The following SDK1 variants were observed in gnomAD, a reference collection of about 807,000 sequenced individuals.
SDK1 encodes protein sidekick-1.
SDK1 carries 157 observed loss-of-function variants against 245.5 expected under a neutral mutation model. That is an observed-to-expected ratio of 0.64 (90% CI 0.56 to 0.73). The LOEUF is 0.73. Among genes scored for constraint, SDK1 ranks in the 30% least tolerant of loss-of-function variants. The probability of loss-of-function intolerance (pLI) is 0.00; values close to 1 mark genes in which losing one functional copy is unlikely to be tolerated. For missense variants in SDK1, 3,583 were observed against 3,002.3 expected, an observed-to-expected ratio of 1.19 and a Z score of -4.52; for synonymous variants, 1,647 against 1,278.5, an observed-to-expected ratio of 1.29 and a Z score of -6.15.
At chr7:3,689,944 A>G (rs1784399387) in intron 4 of SDK1, among the ~76,000 whole-genome samples, 1 of 152,244 alleles carries the variant, frequency 6.6e-6, no homozygotes, top group Non-Finnish European at 1.5e-5. Flanking sequence ...CAGTTTAGAA[A>G]TACTTGTTTT....
At chr7:3,315,119 G>A (rs1190356228) in intron 1 of SDK1, among the ~76,000 whole-genome samples, 2 of 152,148 alleles carry the variant, frequency 1.3e-5, no homozygotes, top group African/African-American at 4.8e-5. Flanking sequence ...AGTGGCTGAT[G>A]TGGCACATGA....
chr7:3,419,218 G>A (rs760598510), intron 1 of SDK1, among the ~76,000 whole-genome samples: 4 of 152,218 alleles, frequency 2.6e-5, no homozygotes, highest in Non-Finnish European at 5.9e-5. Flanking sequence ...GGAACCTGAA[G>A]CTCACAGAGC....
chr7:3,623,155 C>T (rs1355732273), intron 2 of SDK1, among the ~76,000 whole-genome samples: 3 of 151,914 alleles, frequency 2.0e-5, no homozygotes, highest in Non-Finnish European at 4.4e-5. Flanking sequence ...GCAAATACTA[C>T]ACATTTACTT....
intron 1 of SDK1, 24 bp downstream of exon 1, chr7:3,301,908 C>A: frequency 8.8e-7 from 1 of 1,132,108 alleles, no homozygotes; most frequent in Non-Finnish European, 1.1e-6. Flanking sequence ...GGGTCGCGGG[C>A]CGGGGGCGTC....
chr7:3,303,970 C>T (rs1211590940), intron 1 of SDK1, among the ~76,000 whole-genome samples: 1 of 152,132 alleles, frequency 6.6e-6, no homozygotes, highest in East Asian at 1.9e-4. Context: ...CTCCTAAGTA[C>T]CATATTATTA....
At chr7:3,631,170 G>A (rs1348817280) in intron 2 of SDK1, among the ~76,000 whole-genome samples, 2 of 152,164 alleles carry the variant, frequency 1.3e-5, no homozygotes, top group Non-Finnish European at 2.9e-5. Context: ...CTGGGCTCAA[G>A]CGATCCACCC....
intron 1 of SDK1, among the ~76,000 whole-genome samples, chr7:3,397,800 A>G (rs1778761178): frequency 6.6e-6 from 1 of 152,058 alleles, no homozygotes; most frequent in Non-Finnish European, 1.5e-5. Flanking sequence ...CTCTGCTTAC[A>G]TTACCCACCT....
chr7:3,729,210 A>G (rs925090333), intron 4 of SDK1, among the ~76,000 whole-genome samples: 6 of 152,190 alleles, frequency 3.9e-5, no homozygotes, highest in African/African-American at 1.2e-4. Context: ...ATCTTAGGAA[A>G]ACATCATTTT....
chr7:3,346,177 C>T (rs1043112594), intron 1 of SDK1, among the ~76,000 whole-genome samples: 8 of 152,172 alleles, frequency 5.3e-5, no homozygotes, highest in African/African-American at 1.9e-4. Context: ...GACTCCTGTG[C>T]ATGCACAAAT....
chr7:3,596,222 C>G (rs896436216), intron 1 of SDK1, among the ~76,000 whole-genome samples: 1 of 152,120 alleles, frequency 6.6e-6, no homozygotes, highest in Admixed American at 6.5e-5. Flanking sequence ...ATCTTGCTGG[C>G]TCTTCCATCT....
At chr7:4,251,533 G>A (rs1787296058) in intron 44 of SDK1, among the ~76,000 whole-genome samples, 1 of 152,194 alleles carries the variant, frequency 6.6e-6, no homozygotes. Flanking sequence ...AGGTACTGCT[G>A]ATTAGAAACT....
intron 40 of SDK1, among the ~76,000 whole-genome samples, chr7:4,230,342 A>ATGTG (rs1180557940): frequency 7.2e-6 from 1 of 139,334 alleles, no homozygotes; most frequent in East Asian, 2.6e-4. Flanking sequence ...GGATGAATGA[A>ATGTG]TGGATGGATG....
intron 2 of SDK1, among the ~76,000 whole-genome samples, chr7:3,620,633 G>C (rs12537980): frequency 6.6e-6 from 1 of 151,962 alleles, no homozygotes; most frequent in Non-Finnish European, 1.5e-5. Flanking sequence ...ACAGTTCTAA[G>C]ATTTTCTGTA....
At chr7:3,303,342 A>G (rs1779331986) in intron 1 of SDK1, among the ~76,000 whole-genome samples, 6 of 152,154 alleles carry the variant, frequency 3.9e-5, no homozygotes, top group Admixed American at 3.9e-4. Context: ...TCTTTTTTTA[A>G]ACAGTGACTT....
intron 1 of SDK1, among the ~76,000 whole-genome samples, chr7:3,468,863 C>G (rs1214401457): frequency 6.6e-6 from 1 of 152,128 alleles, no homozygotes; most frequent in Non-Finnish European, 1.5e-5. Flanking sequence ...GCGATTTCTC[C>G]TATTCATTGT....
At chr7:3,471,963 A>C (rs17133398) in intron 1 of SDK1, among the ~76,000 whole-genome samples, 22,006 of 152,170 alleles carry the variant, frequency 0.14, 1,615 homozygotes, top group South Asian at 0.22. Context: ...TCCTAACCAT[A>C]GTCACTTTTA....
chr7:3,787,033 T>C (rs1409113771), intron 4 of SDK1, among the ~76,000 whole-genome samples: 1 of 152,096 alleles, frequency 6.6e-6, no homozygotes, highest in African/African-American at 2.4e-5. Flanking sequence ...TACACTTTAG[T>C]GGTGGTTGAC....
At chr7:4,182,687 G>A (rs775909353) in intron 35 of SDK1, among the ~76,000 whole-genome samples, 11 of 152,172 alleles carry the variant, frequency 7.2e-5, no homozygotes, top group African/African-American at 9.7e-5. Flanking sequence ...ACCATCTGCC[G>A]CCCAGGCACT....
intron 35 of SDK1, among the ~76,000 whole-genome samples, chr7:4,194,344 A>T (rs1480825268): frequency 8.5e-6 from 1 of 117,168 alleles, no homozygotes; most frequent in African/African-American, 4.0e-5. Context: ...GTATACATGT[A>T]TAGATATATG....
Sources: allele counts gnomAD v4.1 joint callset (sites outside exome capture counted in the v4.1 genomes callset), GRCh38; gene constraint gnomAD v4.1.1; transcripts MANE v1.5; gene names NCBI Gene and HGNC (gene_info 2026-07-23, HGNC 2026-07-21).